The following KCNN3 variants were observed in gnomAD, a reference collection of about 807,000 sequenced individuals.
KCNN3 encodes the protein potassium calcium-activated channel subfamily N member 3, also known as small conductance calcium-activated potassium channel protein 3.
KCNN3 carries 16 observed loss-of-function variants against 62.9 expected under a neutral mutation model. The ratio of observed to expected loss-of-function variants is 0.25; its 90% CI spans 0.17 to 0.39. The LOEUF is 0.39. Ranked by LOEUF, KCNN3 falls within the 10% of genes least tolerant of loss-of-function variation. The pLI, the probability that KCNN3 is intolerant of heterozygous loss-of-function variation, is 1.00. For missense variants in KCNN3, 599 were observed against 949.4 expected (o/e 0.63, Z 4.85); for synonymous variants, 370 against 389.2 (o/e 0.95, Z 0.58).
At chr1:154,843,977 A>AG (rs1293337912) in intron 1 of KCNN3, among the ~76,000 whole-genome samples, 8 of 152,094 alleles carry the variant, frequency 5.3e-5, no homozygotes, top group African/African-American at 1.7e-4. Context: ...CGAAAGTAGG[A>AG]GGGGGGGCTG....
At chr1:154,830,903 C>T (rs1272114832) in intron 1 of KCNN3, among the ~76,000 whole-genome samples, 1 of 152,204 alleles carries the variant, frequency 6.6e-6, no homozygotes, top group Non-Finnish European at 1.5e-5. Context: ...TCAGACGGGG[C>T]ACCCCTTCAG....
chr1:154,852,867 C>G lies in KCNN3; in HGVS notation c.933+16165G>C, dbSNP rs1036001999. Among the ~76,000 whole-genome samples, 3 of 152,180 alleles carry G rather than the reference C, an allele frequency of 2.0e-5. No homozygotes were observed. The South Asian group carries it at 6.2e-4, about 31-fold the overall frequency. ...CTACAACACACCAGGCATGATCCCC[C>G]CTCAGGGCCTTCACCTTGCTATTCC... On this transcript the variant is annotated intron_variant, in intron 1 of 7. Transcript: ENST00000271915.
intron 2 of KCNN3, among the ~76,000 whole-genome samples, chr1:154,821,443 G>A (rs961237703): frequency 1.3e-5 from 2 of 152,152 alleles, no homozygotes; most frequent in Non-Finnish European, 2.9e-5. Flanking sequence ...CTCCTGGCCC[G>A]GGTTGAACCA....
intron 2 of KCNN3, among the ~76,000 whole-genome samples, chr1:154,781,232 C>T (rs1255670378): frequency 2.0e-5 from 3 of 152,182 alleles, no homozygotes; most frequent in Non-Finnish European, 2.9e-5. Context: ...AGCCAAGTTT[C>T]GGCATTTGAG....
At chr1:154,824,525 A>G (rs116137265) in intron 1 of KCNN3, among the ~76,000 whole-genome samples, 4,906 of 152,288 alleles carry the variant, frequency 0.032, 252 homozygotes, top group African/African-American at 0.11. Flanking sequence ...ATTAGGGTAA[A>G]ACAAACCTCC....
intron 1 of KCNN3, among the ~76,000 whole-genome samples, chr1:154,861,245 G>C (rs1447054329): frequency 6.6e-6 from 1 of 151,956 alleles, no homozygotes; most frequent in South Asian, 2.1e-4. Context: ...ATGAGCCACC[G>C]CGCCTGGCCC....
At chr1:154,714,815 G>A in intron 6 of KCNN3, 61 bp downstream of exon 6, 1 of 1,605,050 alleles carries the variant, frequency 6.2e-7, no homozygotes, top group East Asian at 2.2e-5. Flanking sequence ...TGACAGAGTT[G>A]TAGGAGTCCC....
chr1:154,746,845 T>C lies in KCNN3; in HGVS notation c.1449-13701A>G, dbSNP rs373894497. Among the ~76,000 whole-genome samples the C allele has an allele frequency of 7.9e-5, 12 of 152,334 alleles. No homozygotes were observed. The East Asian group carries it at 2.1e-3, about 27-fold the overall frequency. On this transcript the variant is annotated intron_variant, in intron 3 of 7. Coordinates refer to ENST00000271915, the MANE Select transcript of KCNN3 (RefSeq NM_002249.6). ...ATTTTGCACCCACTGGGTGGCCAGATACAGATGGCATCAAATGTCACCAGG... is the reference window on the plus strand; with the variant it reads ...ATTTTGCACCCACTGGGTGGCCAGACACAGATGGCATCAAATGTCACCAGG...
At chr1:154,750,239 T>C (rs777910968) in intron 3 of KCNN3, among the ~76,000 whole-genome samples, 1 of 152,190 alleles carries the variant, frequency 6.6e-6, no homozygotes, top group Non-Finnish European at 1.5e-5. Context: ...TCGAAGCTGG[T>C]GCACCCCAAG....
In KCNN3 at chr1:154,868,197, C is replaced by G. The variant is rs184757478; in HGVS notation, c.933+835G>C. On this transcript the variant is annotated intron_variant, in intron 1 of 7. Transcript: ENST00000271915. ...CCTGGGAAGCCCTGTCATCCCGTCCCAAGGAGAGGTGCTCCCCCAGCTGAT... is the reference window on the plus strand; with the variant it reads ...CCTGGGAAGCCCTGTCATCCCGTCCGAAGGAGAGGTGCTCCCCCAGCTGAT... 4,596 of 985,538 alleles carry G rather than the reference C, an allele frequency of 4.7e-3. 11 individuals are homozygous for G. The highest frequency in any genetic ancestry group is 5.2e-3 in the Non-Finnish European group (4,341 of 830,010). 61.0% of individuals were successfully genotyped at this position (985,538 alleles called of 1,614,324 possible).
chr1:154,831,444 A>G (rs1651374312), intron 1 of KCNN3, among the ~76,000 whole-genome samples: 1 of 152,198 alleles, frequency 6.6e-6, no homozygotes, highest in South Asian at 2.1e-4. Flanking sequence ...AATCTCTGCA[A>G]GTGAGGTCTC....
At chr1:154,792,296 T>G (rs951768008) in intron 2 of KCNN3, among the ~76,000 whole-genome samples, 30 of 152,216 alleles carry the variant, frequency 2.0e-4, no homozygotes, top group African/African-American at 7.2e-4. Flanking sequence ...GGGATCATAT[T>G]AAATAGCCTT....
At chr1:154,844,637 C>A (rs1422784404) in intron 1 of KCNN3, among the ~76,000 whole-genome samples, 4 of 147,684 alleles carry the variant, frequency 2.7e-5, no homozygotes, top group Non-Finnish European at 4.5e-5. Context: ...GGCTTTCGCT[C>A]TGCTATCTTA....
chr1:154,819,297 C>T (rs542001005), intron 2 of KCNN3, among the ~76,000 whole-genome samples: 4 of 152,214 alleles, frequency 2.6e-5, no homozygotes, highest in African/African-American at 9.6e-5. Context: ...AGGCCCGAGA[C>T]CAAAAAGCTA....
At chr1:154,737,035 G>A in intron 3 of KCNN3, 1 of 702,228 alleles carries the variant, frequency 1.4e-6, no homozygotes, top group South Asian at 1.5e-5. Flanking sequence ...AGACATACAT[G>A]CAACTCACCA....
chr1:154,788,008 G>A (rs1445311092), intron 2 of KCNN3, among the ~76,000 whole-genome samples: 1 of 152,202 alleles, frequency 6.6e-6, no homozygotes, highest in East Asian at 1.9e-4. Context: ...GATTGGGTCA[G>A]GAGGGAGGCA....
At position 154,704,374 on chromosome 1, in the gene KCNN3, T is replaced by C. The variant is rs1207547922; in HGVS notation, c.*3602A>G. On this transcript the variant is annotated 3_prime_UTR_variant, in exon 8 of 8. Coordinates refer to ENST00000271915, the MANE Select transcript of KCNN3 (RefSeq NM_002249.6). ...ACACTTTATGACAATTTATTGATGATGATCATATATATGTGGCCTTTGATC... is the reference window on the plus strand; with the variant it reads ...ACACTTTATGACAATTTATTGATGACGATCATATATATGTGGCCTTTGATC... 2 of 152,272 alleles carry C rather than the reference T, an allele frequency of 1.3e-5. No homozygotes were observed. Among genetic ancestry groups the C allele is most frequent in the Non-Finnish European group, 2.9e-5 (2 of 68,052 alleles). 9.4% of individuals were successfully genotyped at this position (152,272 alleles called of 1,614,324 possible).
At chr1:154,727,071 A>G (rs1700484567) in intron 4 of KCNN3, among the ~76,000 whole-genome samples, 1 of 151,788 alleles carries the variant, frequency 6.6e-6, no homozygotes, top group African/African-American at 2.4e-5. Flanking sequence ...GAGACTCACT[A>G]CTCCCCTGGC....
chr1:154,792,513 TA>T (rs1649558459), intron 2 of KCNN3, among the ~76,000 whole-genome samples: 1 of 152,256 alleles, frequency 6.6e-6, no homozygotes, highest in African/African-American at 2.4e-5. Flanking sequence ...TTTATTCAGG[TA>T]ATATCCAGGA....
Sources: allele counts gnomAD v4.1 joint callset (sites outside exome capture counted in the v4.1 genomes callset), GRCh38; gene constraint gnomAD v4.1.1; transcripts MANE v1.5; gene names NCBI Gene and HGNC (gene_info 2026-07-23, HGNC 2026-07-21).